DDX10: variants seen among roughly 807,000 people sequenced by gnomAD.
The protein encoded by DDX10 is DEAD-box helicase 10.
In DDX10, 74 loss-of-function variants were observed where a neutral mutation model predicts 104.3. The ratio of observed to expected loss-of-function variants is 0.71; its 90% CI spans 0.59 to 0.86. The LOEUF (loss-of-function observed/expected upper bound fraction) is 0.86. DDX10 is among the 40% of genes least tolerant of loss of function. DDX10 has a pLI of 0.00. For missense variants in DDX10, 952 were observed against 1,040.0 expected (o/e 0.92, Z 1.16); for synonymous variants, 351 against 353.4 (o/e 0.99, Z 0.08).
chr11:108,765,122 G>A (rs2094355033), intron 13 of DDX10, among the ~76,000 whole-genome samples: 2 of 152,160 alleles, frequency 1.3e-5, no homozygotes, highest in Admixed American at 1.3e-4. Flanking sequence ...GAGAGGCAGA[G>A]TAATCTACAG....
At chr11:108,864,230 C>A (rs7950209) in intron 16 of DDX10, among the ~76,000 whole-genome samples, 1 of 152,070 alleles carries the variant, frequency 6.6e-6, no homozygotes, top group Non-Finnish European at 1.5e-5. Context: ...GGTTCAATCG[C>A]GGCTGGAAAT....
At chr11:108,824,703 T>C (rs1862372806) in intron 13 of DDX10, among the ~76,000 whole-genome samples, 1 of 152,180 alleles carries the variant, frequency 6.6e-6, no homozygotes. Flanking sequence ...AGGTTAAAAA[T>C]TGGATTCCTA....
At chr11:108,829,807 C>G (rs1219285891) in intron 13 of DDX10, among the ~76,000 whole-genome samples, 1 of 152,144 alleles carries the variant, frequency 6.6e-6, no homozygotes, top group Non-Finnish European at 1.5e-5. Context: ...TGTGGCTTGC[C>G]AGTTATACCA....
At chr11:108,790,648 TA>T (rs1316391378) in intron 13 of DDX10, among the ~76,000 whole-genome samples, 2 of 152,216 alleles carry the variant, frequency 1.3e-5, no homozygotes, top group African/African-American at 4.8e-5. Flanking sequence ...CCAGAGGATG[TA>T]GGTGTACTCA....
chr11:108,780,168 C>T (rs1417001137), intron 13 of DDX10, among the ~76,000 whole-genome samples: 1 of 152,016 alleles, frequency 6.6e-6, no homozygotes, highest in African/African-American at 2.4e-5. Context: ...ACCTTGCTTT[C>T]CAAAAATAAA....
chr11:108,828,537 T>G lies in DDX10; in HGVS notation c.1966-9909T>G, dbSNP rs558573054. On this transcript the variant is annotated intron_variant, in intron 13 of 17. Transcript: ENST00000322536. Reference sequence around the variant, plus strand: ...ATTTCTTTATCCACATTTTCTTTTTTTTTGTTTGTTTTTTGTTTTTTGAGA... The same window carrying G: ...ATTTCTTTATCCACATTTTCTTTTTGTTTGTTTGTTTTTTGTTTTTTGAGA... Among the ~76,000 whole-genome samples the G allele has an allele frequency of 4.6e-5, 7 of 152,340 alleles. No homozygotes were observed. The South Asian group carries it at 1.0e-3, about 23-fold the overall frequency.
intron 16 of DDX10, among the ~76,000 whole-genome samples, chr11:108,887,981 A>G (rs1315201538): frequency 6.6e-6 from 1 of 151,512 alleles, no homozygotes; most frequent in African/African-American, 2.4e-5. Context: ...TCTAGTTACT[A>G]AATTGCCCTT....
intron 13 of DDX10, among the ~76,000 whole-genome samples, chr11:108,815,683 GA>G (rs1453445193): frequency 1.3e-5 from 2 of 151,904 alleles, no homozygotes; most frequent in Admixed American, 1.3e-4. Flanking sequence ...GATTTCTTTT[GA>G]TTTTTTTTCT....
intron 17 of DDX10, chr11:108,921,014 A>C (rs1366112603): frequency 6.6e-6 from 1 of 152,150 alleles, no homozygotes; most frequent in East Asian, 1.9e-4. Context: ...TTTTTTCTCT[A>C]TTCACTTCCA....
At chr11:108,814,104 T>C (rs1862223289) in intron 13 of DDX10, among the ~76,000 whole-genome samples, 1 of 152,160 alleles carries the variant, frequency 6.6e-6, no homozygotes, top group Admixed American at 6.5e-5. Flanking sequence ...CTCCCTATCC[T>C]TTACCTTCCA....
chr11:108,674,608 T>A (rs918804016), intron 2 of DDX10, among the ~76,000 whole-genome samples: 3 of 152,024 alleles, frequency 2.0e-5, no homozygotes, highest in Admixed American at 6.5e-5. Flanking sequence ...CCTTCTGGGC[T>A]CAAGTGATCC....
chr11:108,912,625 A>G (rs764586530), intron 16 of DDX10, among the ~76,000 whole-genome samples: 10 of 152,220 alleles, frequency 6.6e-5, no homozygotes, highest in Admixed American at 2.0e-4. Context: ...GAACGGTGTC[A>G]GGCAAACTTG....
At chr11:108,909,346 C>T (rs1284621126) in intron 16 of DDX10, among the ~76,000 whole-genome samples, 1 of 146,090 alleles carries the variant, frequency 6.8e-6, no homozygotes, top group Admixed American at 6.9e-5. Flanking sequence ...CCGCCCCTTC[C>T]CTTGTCCTGT....
chr11:108,780,878 A>T (rs1327351474), intron 13 of DDX10, among the ~76,000 whole-genome samples: 1 of 152,206 alleles, frequency 6.6e-6, no homozygotes, highest in Admixed American at 6.5e-5. Context: ...TTCACTTATA[A>T]ACAAGCTCGT....
intron 13 of DDX10, among the ~76,000 whole-genome samples, chr11:108,817,086 G>T (rs1171469479): frequency 6.6e-6 from 1 of 152,148 alleles, no homozygotes; most frequent in Non-Finnish European, 1.5e-5. Context: ...GTATCAATTA[G>T]CCTATGGCAA....
intron 1 of DDX10, among the ~76,000 whole-genome samples, chr11:108,669,012 T>C (rs1259808238): frequency 2.6e-5 from 4 of 152,016 alleles, no homozygotes; most frequent in Non-Finnish European, 5.9e-5. Flanking sequence ...CTGGATTTCA[T>C]CCCCTGCATC....
intron 10 of DDX10, among the ~76,000 whole-genome samples, chr11:108,709,749 C>T (rs915505460): frequency 2.6e-5 from 4 of 151,546 alleles, no homozygotes; most frequent in African/African-American, 9.7e-5. Context: ...TTTTTTCCCC[C>T]CTATTGATTT....
intron 13 of DDX10, 135 bp downstream of exon 13, chr11:108,723,597 T>A (rs2094301574): frequency 1.2e-6 from 1 of 825,656 alleles, no homozygotes; most frequent in Admixed American, 3.2e-5. Context: ...CTTCCTCCTT[T>A]CCCCCATACT....
At chr11:108,884,740 TTAAA>T (rs1198152065) in intron 16 of DDX10, among the ~76,000 whole-genome samples, 9 of 152,338 alleles carry the variant, frequency 5.9e-5, no homozygotes, top group African/African-American at 1.9e-4. Flanking sequence ...TGCTTGAGAA[TTAAA>T]TAAAGTTTGC....
Sources: gnomAD v4.1 joint callset for allele counts (sites outside exome capture counted in the v4.1 genomes callset) on GRCh38, gnomAD v4.1.1 for gene constraint, MANE v1.5 for transcripts, NCBI Gene and HGNC (gene_info 2026-07-23, HGNC 2026-07-21) for gene names.